The following PILRA variants were observed in gnomAD, a reference collection of about 807,000 sequenced individuals.
PILRA encodes paired immunoglobin like type 2 receptor alpha.
In PILRA, 37 loss-of-function variants were observed where a neutral mutation model predicts 33.1. The ratio of observed to expected loss-of-function variants is 1.12; its 90% CI spans 0.86 to 1.47. The LOEUF (loss-of-function observed/expected upper bound fraction) is 1.47. Among genes scored for constraint, PILRA ranks in the 40% most tolerant of loss-of-function variants. The probability of loss-of-function intolerance (pLI) is 0.00; values close to 1 mark genes in which losing one functional copy is unlikely to be tolerated. For synonymous variants in PILRA, 146 were observed against 149.9 expected, an observed-to-expected ratio of 0.97 and a Z score of 0.19; for missense variants, 312 against 376.2, an observed-to-expected ratio of 0.83 and a Z score of 1.41.
intron 2 of PILRA, chr7:100,374,861 C>T (rs571398104): frequency 2.5e-4 from 63 of 247,314 alleles, no homozygotes; most frequent in African/African-American, 1.4e-3. Context: ...GGGTGGGCCC[C>T]ATACCTTGCA....
intron 2 of PILRA, chr7:100,376,338 G>T (rs1790946274): frequency 6.6e-6 from 1 of 151,094 alleles, no homozygotes; most frequent in African/African-American, 2.4e-5. Flanking sequence ...CTTAATTCCT[G>T]CTTGCTTTTC....
At chr7:100,397,198 G>C (rs2130241793) in intron 3 of PILRA, among the ~76,000 whole-genome samples, 1 of 147,282 alleles carries the variant, frequency 6.8e-6, no homozygotes, top group East Asian at 1.9e-4. Context: ...TCAAGGCCTG[G>C]GTTCAGAGGG....
chr7:100,380,865 G>A (rs1370922955), intron 2 of PILRA, among the ~76,000 whole-genome samples: 2 of 152,166 alleles, frequency 1.3e-5, no homozygotes, highest in African/African-American at 4.8e-5. Flanking sequence ...CAGCTACTTG[G>A]GAGGCTGAGG....
At chr7:100,396,202 T>G (rs1177435584) in intron 3 of PILRA, among the ~76,000 whole-genome samples, 9 of 152,034 alleles carry the variant, frequency 5.9e-5, no homozygotes, top group Admixed American at 4.6e-4. Context: ...CAAACAGAAC[T>G]GAAAAGAAAG....
upstream of PILRA, among the ~76,000 whole-genome samples, chr7:100,372,406 A>G (rs1417668248): frequency 2.6e-5 from 4 of 152,152 alleles, no homozygotes; most frequent in Admixed American, 6.5e-5. Flanking sequence ...TTCTGTCTCA[A>G]GAAGGCTGAT....
At chr7:100,386,781 G>A (rs1442976206) in intron 2 of PILRA, among the ~76,000 whole-genome samples, 2 of 151,284 alleles carry the variant, frequency 1.3e-5, no homozygotes, top group African/African-American at 4.9e-5. Flanking sequence ...TGCCCACCTC[G>A]GCCTCCAAAA....
chr7:100,385,889 A>C lies in PILRA; in HGVS notation c.455-3999A>C, dbSNP rs529617275. 2.0e-5 allele frequency among the ~76,000 whole-genome samples: 3 copies of C among 151,258 alleles called. No homozygotes were observed. In the South Asian group the frequency reaches 6.3e-4, roughly 32 times the overall value. ...AGTGACCCACCCACCTCAGCCTCCC[A>C]CAGTGCTGGGATTACAGGCGTGAGC... On this transcript the variant is annotated intron_variant, in intron 2 of 6. Coordinates refer to ENST00000198536, the MANE Select transcript of PILRA (RefSeq NM_013439.3).
intron 2 of PILRA, among the ~76,000 whole-genome samples, chr7:100,381,749 C>G (rs1791100628): frequency 6.6e-6 from 1 of 151,980 alleles, no homozygotes; most frequent in South Asian, 2.1e-4. Context: ...GGGCGGGAAC[C>G]GGGGCTGCGC....
At chr7:100,373,853 C>A (rs868593083) in intron 1 of PILRA, 133 bp downstream of exon 1, 1 of 1,302,862 alleles carries the variant, frequency 7.7e-7, no homozygotes, top group Admixed American at 2.0e-5. Context: ...CCCACAGGGG[C>A]GGGTGACCCC....
Position 100,374,418 on chromosome 7 carries a change from C to G in PILRA, c.439C>G (p.Leu147Val). 1 of 1,614,004 alleles carries G rather than the reference C, an allele frequency of 6.2e-7. No homozygotes were observed. Among genetic ancestry groups the G allele is most frequent in the Non-Finnish European group, 8.5e-7 (1 of 1,180,004 alleles). The part of the protein sequence containing the change: ...QQWQSIEGTK[L>V]SITQAVTTTT... ...GTGGCAGTCCATCGAGGGGACCAAA[C>G]TCTCCATCACCCAGGGTGAGTCCAG... Residue 147 changes from leucine (L) to valine (V), a missense_variant, in exon 2 of 7, where the codon CTC becomes GTC. Physicochemically the swap from Leu to Val is conservative, Grantham distance 32 (BLOSUM62 1). Transcript: ENST00000198536.
chr7:100,381,778 C>T (rs897284799), intron 2 of PILRA, among the ~76,000 whole-genome samples: 3 of 152,324 alleles, frequency 2.0e-5, no homozygotes, highest in African/African-American at 7.2e-5. Flanking sequence ...TGCGGGCCAG[C>T]TAGAGTTCTG....
chr7:100,382,709 C>G (rs1419546381), intron 2 of PILRA, among the ~76,000 whole-genome samples: 1 of 151,930 alleles, frequency 6.6e-6, no homozygotes, highest in Non-Finnish European at 1.5e-5. Flanking sequence ...TGGAAAGTTT[C>G]TTTTTTTTGC....
chr7:100,382,817 T>C (rs1272879770), intron 2 of PILRA, among the ~76,000 whole-genome samples: 2 of 152,246 alleles, frequency 1.3e-5, no homozygotes, highest in South Asian at 2.1e-4. Context: ...GTAGCTTCAC[T>C]CTGGAAGCCA....
At chr7:100,379,870 AT>A (rs1406877780) in intron 2 of PILRA, among the ~76,000 whole-genome samples, 2 of 152,168 alleles carry the variant, frequency 1.3e-5, no homozygotes, top group Non-Finnish European at 2.9e-5. Flanking sequence ...GACTAATGGA[AT>A]TGGTTTAGGA....
intron 2 of PILRA, among the ~76,000 whole-genome samples, chr7:100,387,537 C>G (rs1352858844): frequency 6.6e-6 from 1 of 152,038 alleles, no homozygotes; most frequent in Admixed American, 6.6e-5. Flanking sequence ...GTTCTTAAAT[C>G]AATTTTTAAA....
chr7:100,390,023 C>A lies in PILRA; in HGVS notation c.590C>A (p.Ala197Asp). The A allele has an allele frequency of 6.2e-7, 1 of 1,614,138 alleles. No individual in the cohort carries two copies. ...TCTTGGCACATAAGTCTGGAGACTG[C>A]TGTGGGGGTGGCAGTGGCTGTCACT... The part of the protein sequence containing the change: ...SDSWHISLET[A>D]VGVAVAVTVL... The change falls in exon 3 of 7, where the codon GCT becomes GAT. Residue 197 changes from alanine (A) to aspartate (D), a missense_variant. Physicochemically the swap from Ala to Asp is moderately radical, Grantham distance 126. Transcript: ENST00000198536.
rs139663701 is a variant in PILRA at position 100,389,997 on chromosome 7, C to T, written c.564C>T (p.Asp188=). 8 of 1,614,004 alleles carry T rather than the reference C, an allele frequency of 5.0e-6. No individual in the cohort carries two copies. In the African/African-American group the frequency reaches 1.1e-4, roughly 22 times the overall value. ...LRVTQGKRRS[D]SWHISLETAV... is the part of the protein sequence containing the mutation. ...TCACACAGGGCAAACGACGCTCAGA[C>T]TCTTGGCACATAAGTCTGGAGACTG... The change falls in exon 3 of 7, where the codon GAC becomes GAT. Residue 188 remains aspartate, a synonymous_variant. Coordinates refer to ENST00000198536, the MANE Select transcript of PILRA (RefSeq NM_013439.3).
rs1394693682 is a variant in PILRA, at chr7:100,389,892, C to T, written c.459C>T (p.Val153=). Reference sequence around the variant, plus strand: ...TCATTCCTCATCTCTCCCCAGCTGTCACGACCACCACCCAGAGGCCCAGCA... The same window carrying T: ...TCATTCCTCATCTCTCCCCAGCTGTTACGACCACCACCCAGAGGCCCAGCA... The part of the protein sequence containing the change: ...EGTKLSITQA[V]TTTTQRPSSM... Residue 153 remains valine, a synonymous_variant, in exon 3 of 7, where the codon GTC becomes GTT. Transcript: ENST00000198536. The T allele has an allele frequency of 1.2e-6, 2 of 1,613,776 alleles. No individual in the cohort carries two copies. The highest frequency in any genetic ancestry group is 2.2e-5 in the South Asian group (2 of 91,072).
upstream of PILRA, among the ~76,000 whole-genome samples, chr7:100,372,756 C>A (rs1490931570): frequency 6.6e-6 from 1 of 152,196 alleles, no homozygotes; most frequent in Non-Finnish European, 1.5e-5. Flanking sequence ...CCCAGAGATT[C>A]CACCCTTCAG....
Sources: gnomAD v4.1 joint callset for allele counts (sites outside exome capture counted in the v4.1 genomes callset) on GRCh38, gnomAD v4.1.1 for gene constraint, MANE v1.5 for transcripts, NCBI Gene and HGNC (gene_info 2026-07-23, HGNC 2026-07-21) for gene names.